Variants in BPIFA1 observed in about 807,000 individuals in gnomAD.
BPIFA1 encodes BPI fold containing family A member 1.
In BPIFA1, 24 loss-of-function variants were observed where a neutral mutation model predicts 25.1. The ratio of observed to expected loss-of-function variants is 0.96; its 90% confidence interval spans 0.69 to 1.35. BPIFA1 has a LOEUF of 1.35. Ranked by LOEUF, BPIFA1 falls within the 40% of genes most tolerant of loss-of-function variation. The pLI, the probability that BPIFA1 is intolerant of heterozygous loss-of-function variation, is 0.00. For missense variants in BPIFA1, 344 were observed against 303.7 expected, an observed-to-expected ratio of 1.13 and a Z score of -0.99; for synonymous variants, 139 against 131.8, an observed-to-expected ratio of 1.05 and a Z score of -0.37.
In BPIFA1 at chr20:33,242,579, C is replaced by T; in HGVS notation, c.*34+18C>T. On this transcript the variant is annotated intron_variant, in intron 8 of 8. Transcript: ENST00000354297. ...CTGAGCTGGTAAGTGCCCTTCCCCA[C>T]ACCCCAGGGTTTTGGGGGCTGGCTG... The T allele has an allele frequency of 6.3e-7, 1 of 1,575,398 alleles. No homozygotes were observed. The highest frequency in any genetic ancestry group is 8.7e-7 in the Non-Finnish European group (1 of 1,145,038).
chr20:33,242,609 TCTC>T lies in BPIFA1; in HGVS notation c.*34+51_*34+53del, dbSNP rs1979037610. On this transcript the variant is annotated intron_variant, in intron 8 of 8. Coordinates refer to ENST00000354297, the MANE Select transcript of BPIFA1 (RefSeq NM_130852.3). ...CAGGGTTTTGGGGGCTGGCTGTTCT[TCTC>T]CTGGTAGAAGGCAGACGGGAGCTTG... 4 of 1,417,462 alleles carry T rather than the reference TCTC, an allele frequency of 2.8e-6. No homozygotes were observed. In the South Asian group the frequency reaches 3.5e-5, roughly 12 times the overall value. The allele number at this position is 1,417,462 out of a possible 1,614,324, so 87.8% of individuals were successfully genotyped here.
intron 1 of BPIFA1, among the ~76,000 whole-genome samples, chr20:33,236,865 A>T (rs993480595): frequency 1.3e-5 from 2 of 152,116 alleles, no homozygotes; most frequent in Non-Finnish European, 1.5e-5. Context: ...CTTCTCATGC[A>T]ATGAAGACTT....
chr20:33,240,194 T>TGGTGGAGCTAGATACC (rs770729858), intron 4 of BPIFA1, 39 bp from the exon 5 acceptor site: 2 of 1,605,956 alleles, frequency 1.2e-6, no homozygotes, highest in East Asian at 2.2e-5. Context: ...CCTTGGAATG[T>TGGTGGAGCTAGATACC]GGTGGAGCTA....
chr20:33,238,117 G>A lies in BPIFA1; in HGVS notation c.223G>A (p.Asp75Asn). Reference sequence around the variant, plus strand: ...CATTCTGGAAAACCTTCCGCTCCTGGACATCCTGAAGCCTGGAGGAGGTAC... The same window carrying A: ...CATTCTGGAAAACCTTCCGCTCCTGAACATCCTGAAGCCTGGAGGAGGTAC... ...LGILENLPLL[D>N]ILKPGGGTSG... The change falls in exon 3 of 9, where the codon GAC becomes AAC. Residue 75 changes from aspartate (D) to asparagine (N), a missense_variant. Transcript: ENST00000354297. The A allele has an allele frequency of 6.2e-7, 1 of 1,613,992 alleles. No homozygotes were observed. The highest frequency in any genetic ancestry group is 8.5e-7 in the Non-Finnish European group (1 of 1,179,992).
chr20:33,239,249 C>T (rs1210155163), intron 3 of BPIFA1, among the ~76,000 whole-genome samples: 1 of 152,174 alleles, frequency 6.6e-6, no homozygotes, highest in African/African-American at 2.4e-5. Flanking sequence ...TGACTTCCTG[C>T]TCCTCAATTC....
At chr20:33,242,445 A>AT (rs751983413) in intron 7 of BPIFA1, 42 bp from the exon 8 acceptor site, 508 of 1,609,834 alleles carry the variant, frequency 3.2e-4, no homozygotes, top group Non-Finnish European at 4.2e-4. Context: ...CGTTGAGATC[A>AT]TAACTGTCGT....
chr20:33,242,441 G>A, intron 7 of BPIFA1, 46 bp from the exon 8 acceptor site: 1 of 1,607,558 alleles, frequency 6.2e-7, no homozygotes, highest in African/African-American at 1.3e-5. Context: ...TTCACGTTGA[G>A]ATCATAACTG....
Position 33,236,025 on chromosome 20 carries a change from G to C in BPIFA1, c.-41G>C, listed in dbSNP as rs967944384. On this transcript the variant is annotated 5_prime_UTR_variant, in exon 1 of 9. Coordinates refer to ENST00000354297, the MANE Select transcript of BPIFA1 (RefSeq NM_130852.3). ...GGGGGAGAGAGAGGAGACCAGGACA[G>C]CTGCTGAGACCTCTAAGAAGTCCAG... 1 of 152,242 alleles carries C rather than the reference G, an allele frequency of 6.6e-6. No individual in the cohort carries two copies. The highest frequency in any genetic ancestry group is 2.4e-5 in the African/African-American group (1 of 41,452). The allele number at this position is 152,242 out of a possible 1,614,324, so 9.4% of individuals were successfully genotyped here.
chr20:33,243,040 G>C (rs1979060252), intron 8 of BPIFA1, 67 bp from the exon 9 acceptor site: 1 of 162,748 alleles, frequency 6.1e-6, no homozygotes, highest in African/African-American at 2.4e-5. Context: ...TGTCCCTCTG[G>C]GGCATGAGTT....
At chr20:33,241,251 C>A in intron 5 of BPIFA1, 134 bp from the exon 6 acceptor site, 2 of 791,836 alleles carry the variant, frequency 2.5e-6, no homozygotes, top group South Asian at 1.6e-5. Context: ...TGTTGGCCTG[C>A]ACGTGGGTGT....
chr20:33,239,775 TCCC>T (rs1372216277), intron 3 of BPIFA1, 25 bp from the exon 4 acceptor site: 1 of 1,590,686 alleles, frequency 6.3e-7, no homozygotes, highest in Non-Finnish European at 8.6e-7. Context: ...AGCTAATGTT[TCCC>T]CCTCCAATAT....
rs868767114 is a variant in BPIFA1 at position 33,242,561 on chromosome 20, G to A, written c.*34G>A. The stretch of plus-strand genomic sequence containing the variant: ...GGAAGGGGCTGGCCTCTGCTGAGCT[G>A]GTAAGTGCCCTTCCCCACACCCCAG... On this transcript the variant is annotated splice_region_variant and 3_prime_UTR_variant, in exon 8 of 9. Coordinates refer to ENST00000354297, the MANE Select transcript of BPIFA1 (RefSeq NM_130852.3). 1.2e-6 allele frequency: 2 copies of A among 1,609,110 alleles called. No homozygotes were observed. Among genetic ancestry groups the A allele is most frequent in the East Asian group, 2.2e-5 (1 of 44,864 alleles).
chr20:33,241,263 G>T, intron 5 of BPIFA1, 122 bp from the exon 6 acceptor site: 1 of 923,448 alleles, frequency 1.1e-6, no homozygotes, highest in Non-Finnish European at 1.8e-6. Flanking sequence ...CGTGGGTGTA[G>T]ATAGACAAGG....
In BPIFA1 at chr20:33,238,081, G is replaced by A. The variant is rs1978781424; in HGVS notation, c.187G>A (p.Gly63Ser). Residue 63 changes from glycine to serine, a missense_variant, in exon 3 of 9, where the codon GGC (glycine) becomes AGC (serine). Physicochemically the swap from Gly to Ser is moderately conservative, Grantham distance 56. Transcript: ENST00000354297. ...NALSNGLLSGGLLGILENLPL... is the reference protein window; with the variant it reads ...NALSNGLLSGSLLGILENLPL... ...CCTCAGCAATGGCCTGCTGTCTGGG[G>A]GCCTGTTGGGCATTCTGGAAAACCT... 2 of 1,613,818 alleles carry A rather than the reference G, an allele frequency of 1.2e-6. No individual in the cohort carries two copies. The highest frequency in any genetic ancestry group is 1.7e-6 in the Non-Finnish European group (2 of 1,179,926).
At chr20:33,240,501 A>G (rs1978910435) in intron 5 of BPIFA1, 116 bp downstream of exon 5, 2 of 1,332,780 alleles carry the variant, frequency 1.5e-6, no homozygotes, top group Non-Finnish European at 2.1e-6. Context: ...AAAGGGTGGG[A>G]AAATGGATGG....
intron 8 of BPIFA1, 91 bp downstream of exon 8, chr20:33,242,652 A>G: frequency 1.1e-6 from 1 of 925,770 alleles, no homozygotes; most frequent in Non-Finnish European, 1.7e-6. Flanking sequence ...AATGACATCC[A>G]AAGAAAGAGA....
At chr20:33,236,569 C>A (rs1409745698) in intron 1 of BPIFA1, among the ~76,000 whole-genome samples, 1 of 152,144 alleles carries the variant, frequency 6.6e-6, no homozygotes, top group African/African-American at 2.4e-5. Flanking sequence ...TGGAATTTTG[C>A]ACAAAGTCAC....
intron 8 of BPIFA1, 134 bp downstream of exon 8, chr20:33,242,695 C>G: frequency 4.5e-6 from 3 of 663,530 alleles, no homozygotes; most frequent in East Asian, 2.8e-5. Flanking sequence ...CAGGGATGCA[C>G]AGAGAAATCC....
intron 2 of BPIFA1, 48 bp from the exon 3 acceptor site, chr20:33,238,007 C>T (rs748512574): frequency 6.3e-7 from 1 of 1,577,050 alleles, no homozygotes; most frequent in Non-Finnish European, 8.6e-7. Context: ...GCCTGAGGAT[C>T]TGGAATTGTC....
Sources: allele counts gnomAD v4.1 joint callset (sites outside exome capture counted in the v4.1 genomes callset), GRCh38; gene constraint gnomAD v4.1.1; transcripts MANE v1.5; gene names NCBI Gene and HGNC (gene_info 2026-07-23, HGNC 2026-07-21).